The following DMRT1 variants were observed in gnomAD, a reference collection of about 807,000 sequenced individuals.
The protein encoded by DMRT1 is doublesex and mab-3 related transcription factor 1.
A neutral mutation model predicts 32.3 loss-of-function variants in DMRT1; 7 were observed. That is an observed-to-expected ratio of 0.22 (90% CI 0.12 to 0.41). The LOEUF is 0.41. Ranked by LOEUF, DMRT1 falls within the 10% of genes least tolerant of loss-of-function variation. The pLI, the probability that DMRT1 is intolerant of heterozygous loss-of-function variation, is 1.00. For missense variants in DMRT1, 625 were observed against 500.5 expected (o/e 1.25, Z -2.37); for synonymous variants, 278 against 206.1 (o/e 1.35, Z -2.99).
chr9:857,564 G>T (rs1323041068), intron 2 of DMRT1, among the ~76,000 whole-genome samples: 1 of 152,126 alleles, frequency 6.6e-6, no homozygotes, highest in Non-Finnish European at 1.5e-5. Flanking sequence ...TCCTGAAAAC[G>T]AGGGAGCAAG....
chr9:876,487 T>A (rs1427517857), intron 2 of DMRT1, among the ~76,000 whole-genome samples: 2 of 151,906 alleles, frequency 1.3e-5, no homozygotes, highest in Non-Finnish European at 2.9e-5. Context: ...TCATTTATAT[T>A]CTTTTCCAGG....
At chr9:861,258 T>C (rs935251200) in intron 2 of DMRT1, among the ~76,000 whole-genome samples, 3 of 151,738 alleles carry the variant, frequency 2.0e-5, no homozygotes, top group African/African-American at 7.3e-5. Flanking sequence ...GATTAGGGAG[T>C]GGTGATGACT....
intron 2 of DMRT1, among the ~76,000 whole-genome samples, chr9:863,181 G>C (rs1039890916): frequency 1.3e-5 from 2 of 151,256 alleles, no homozygotes; most frequent in East Asian, 1.9e-4. Flanking sequence ...AGCCAGGTGT[G>C]GGGGTGGCTG....
rs908622717 is a variant in DMRT1 at position 959,007 on chromosome 9, C to T, written c.968-8978C>T. Among the ~76,000 whole-genome samples the T allele has an allele frequency of 2.0e-5, 3 of 152,338 alleles. No individual in the cohort carries two copies. The East Asian group carries it at 5.8e-4, about 29-fold the overall frequency. The stretch of plus-strand genomic sequence containing the variant: ...CATCTGTGATTCTTCTGCAAGGCTG[C>T]TTTAAAATTTTCTCATACTGCAAAA... On this transcript the variant is annotated intron_variant, in intron 4 of 4. Transcript: ENST00000382276.
chr9:943,069 C>T (rs578121159), intron 4 of DMRT1, among the ~76,000 whole-genome samples: 1 of 151,796 alleles, frequency 6.6e-6, no homozygotes, highest in African/African-American at 2.4e-5. Context: ...AAAGCAGAAC[C>T]GAAGACAATA....
intron 2 of DMRT1, among the ~76,000 whole-genome samples, chr9:884,246 A>G (rs1264253726): frequency 3.9e-5 from 6 of 152,108 alleles, no homozygotes; most frequent in African/African-American, 1.4e-4. Flanking sequence ...GTTAACTACT[A>G]TTAATATGTC....
chr9:841,966 G>T lies in DMRT1; in HGVS notation c.128G>T (p.Ser43Ile). 6.3e-7 allele frequency: 1 copy of T among 1,586,934 alleles called. No individual in the cohort carries two copies. ...TCTGGGGCGCTAGTGGGGGCGGCCAGCGGCTCGAGCGCCGGGGGCAGCAGC... is the reference window on the plus strand; with the variant it reads ...TCTGGGGCGCTAGTGGGGGCGGCCATCGGCTCGAGCGCCGGGGGCAGCAGC... Reference protein sequence around the residue: ...KASGALVGAASGSSAGGSSRG... With the variant: ...KASGALVGAAIGSSAGGSSRG... Residue 43 changes from serine (S) to isoleucine (I), a missense_variant, in exon 1 of 5, where the codon AGC becomes ATC. Ser to Ile is a moderately radical substitution (Grantham distance 142). Transcript: ENST00000382276.
At chr9:881,079 G>A (rs1318953038) in intron 2 of DMRT1, among the ~76,000 whole-genome samples, 1 of 152,000 alleles carries the variant, frequency 6.6e-6, no homozygotes, top group African/African-American at 2.4e-5. Flanking sequence ...AGTGGTCTGG[G>A]GTGTGGCCTG....
chr9:896,544 G>C (rs1380481290), intron 3 of DMRT1, among the ~76,000 whole-genome samples: 2 of 152,078 alleles, frequency 1.3e-5, no homozygotes, highest in African/African-American at 4.8e-5. Context: ...GCCAGGTGCG[G>C]TGGCTCATGC....
chr9:851,425 GA>G (rs869141674), intron 2 of DMRT1, among the ~76,000 whole-genome samples: 1 of 147,450 alleles, frequency 6.8e-6, no homozygotes, highest in Non-Finnish European at 1.5e-5. Context: ...TTTTAGTAGA[GA>G]CAGAGTTTCA....
At chr9:882,800 C>G (rs538616711) in intron 2 of DMRT1, among the ~76,000 whole-genome samples, 1 of 142,884 alleles carries the variant, frequency 7.0e-6, no homozygotes, top group African/African-American at 2.7e-5. Flanking sequence ...GACAGTCTCA[C>G]TCACTCTGTT....
chr9:959,272 C>A (rs1248157154), intron 4 of DMRT1, among the ~76,000 whole-genome samples: 5 of 152,192 alleles, frequency 3.3e-5, no homozygotes, highest in African/African-American at 1.2e-4. Flanking sequence ...GTCATGGCAC[C>A]TATATGTGGA....
intron 4 of DMRT1, among the ~76,000 whole-genome samples, chr9:944,268 G>A (rs1819170756): frequency 6.6e-6 from 1 of 152,154 alleles, no homozygotes; most frequent in African/African-American, 2.4e-5. Context: ...ATTATTGTGT[G>A]TTCCTGATTT....
chr9:888,708 A>T (rs1450293412), intron 2 of DMRT1, among the ~76,000 whole-genome samples: 2 of 143,412 alleles, frequency 1.4e-5, no homozygotes, highest in East Asian at 3.9e-4. Flanking sequence ...AGTTGTTAAT[A>T]GTCAGGACTG....
chr9:935,945 C>T (rs1429825645), intron 4 of DMRT1, among the ~76,000 whole-genome samples: 2 of 152,186 alleles, frequency 1.3e-5, no homozygotes, highest in African/African-American at 4.8e-5. Context: ...TGCCACCTAT[C>T]CCCACCCTCC....
chr9:873,143 G>GATTTGCAGTTTGCTGATGGCT (rs1816345163), intron 2 of DMRT1, among the ~76,000 whole-genome samples: 2 of 152,228 alleles, frequency 1.3e-5, no homozygotes, highest in Admixed American at 6.5e-5. Flanking sequence ...TTGTGGTTCT[G>GATTTGCAGTTTGCTGATGGCT]ATTTGCAGTT....
chr9:891,827 G>A (rs1192752781), intron 2 of DMRT1, among the ~76,000 whole-genome samples: 2 of 152,074 alleles, frequency 1.3e-5, no homozygotes, highest in African/African-American at 4.8e-5. Context: ...CCTGGCTGGA[G>A]CTTTTACTTT....
chr9:881,404 C>T (rs1485535015), intron 2 of DMRT1, among the ~76,000 whole-genome samples: 1 of 152,202 alleles, frequency 6.6e-6, no homozygotes, highest in East Asian at 1.9e-4. Flanking sequence ...TCCTTCACAT[C>T]ACTTTCTGGG....
At chr9:863,542 G>A (rs1002904311) in intron 2 of DMRT1, among the ~76,000 whole-genome samples, 1 of 152,114 alleles carries the variant, frequency 6.6e-6, no homozygotes, top group Admixed American at 6.6e-5. Flanking sequence ...CAAGGAATGG[G>A]ACCTAGTCCT....
Sources: allele counts gnomAD v4.1 joint callset (sites outside exome capture counted in the v4.1 genomes callset), GRCh38; gene constraint gnomAD v4.1.1; transcripts MANE v1.5; gene names NCBI Gene and HGNC (gene_info 2026-07-23, HGNC 2026-07-21).